DCC: variants seen among roughly 807,000 people sequenced by gnomAD.
The protein encoded by DCC is DCC netrin 1 receptor.
A neutral mutation model predicts 172.5 loss-of-function variants in DCC; 58 were observed. The ratio of observed to expected loss-of-function variants is 0.34; its 90% CI spans 0.27 to 0.42. The LOEUF (loss-of-function observed/expected upper bound fraction) is 0.42. DCC is among the 10% of genes least tolerant of loss of function. DCC has a pLI of 1.00. For missense variants in DCC, 1,740 were observed against 1,791.0 expected, an observed-to-expected ratio of 0.97 and a Z score of 0.51; for synonymous variants, 709 against 644.5, an observed-to-expected ratio of 1.10 and a Z score of -1.52.
chr18:53,417,010 G>A (rs1910349654), intron 21 of DCC, among the ~76,000 whole-genome samples: 1 of 152,170 alleles, frequency 6.6e-6, no homozygotes, highest in Non-Finnish European at 1.5e-5. Context: ...AGTCAGTGCT[G>A]TCAGTATTTG....
intron 7 of DCC, among the ~76,000 whole-genome samples, chr18:53,131,260 T>C (rs2043647141): frequency 6.6e-6 from 1 of 152,100 alleles, no homozygotes; most frequent in African/African-American, 2.4e-5. Context: ...ACAGTTTTTC[T>C]TTATTCTCTC....
chr18:52,450,983 T>C (rs1988285876), intron 1 of DCC, among the ~76,000 whole-genome samples: 1 of 152,248 alleles, frequency 6.6e-6, no homozygotes, highest in Non-Finnish European at 1.5e-5. Context: ...GAAGTCAATT[T>C]CTTAAGTAAA....
chr18:53,373,517 G>A (rs1012438799), intron 15 of DCC, among the ~76,000 whole-genome samples: 2 of 152,032 alleles, frequency 1.3e-5, no homozygotes, highest in Admixed American at 6.6e-5. Flanking sequence ...ACTCATTATT[G>A]TAGTTATTAT....
intron 10 of DCC, among the ~76,000 whole-genome samples, chr18:53,207,271 G>A (rs139049147): frequency 4.2e-4 from 64 of 152,258 alleles, no homozygotes; most frequent in Middle Eastern, 3.4e-3. Flanking sequence ...TTCAAGAGCT[G>A]TGGGTATATT....
At chr18:52,532,142 C>G (rs917645591) in intron 1 of DCC, among the ~76,000 whole-genome samples, 4 of 152,070 alleles carry the variant, frequency 2.6e-5, no homozygotes, top group African/African-American at 9.7e-5. Context: ...GGACTGTGTA[C>G]AGAACTTATT....
At chr18:52,844,704 T>C (rs1330902498) in intron 2 of DCC, among the ~76,000 whole-genome samples, 1 of 152,218 alleles carries the variant, frequency 6.6e-6, no homozygotes, top group East Asian at 1.9e-4. Flanking sequence ...AAGAGATCTA[T>C]GTAGAGTTAA....
intron 1 of DCC, among the ~76,000 whole-genome samples, chr18:52,600,265 A>G (rs1221920887): frequency 6.6e-6 from 1 of 152,130 alleles, no homozygotes; most frequent in Non-Finnish European, 1.5e-5. Flanking sequence ...TGAAATGACC[A>G]GGTTTTCCTC....
At chr18:53,090,468 C>A (rs988160899) in intron 7 of DCC, among the ~76,000 whole-genome samples, 2 of 151,392 alleles carry the variant, frequency 1.3e-5, no homozygotes, top group African/African-American at 4.9e-5. Context: ...CCGAGGCGGG[C>A]GGATCACGAG....
At chr18:53,253,976 G>T (rs999579814) in intron 12 of DCC, among the ~76,000 whole-genome samples, 1 of 152,004 alleles carries the variant, frequency 6.6e-6, no homozygotes, top group African/African-American at 2.4e-5. Flanking sequence ...AACAATGCCT[G>T]ATTAAATGAA....
At chr18:52,968,205 T>C (rs1034434609) in intron 5 of DCC, among the ~76,000 whole-genome samples, 1 of 152,184 alleles carries the variant, frequency 6.6e-6, no homozygotes, top group Non-Finnish European at 1.5e-5. Flanking sequence ...AGATGGAGTT[T>C]ATAGCATCTT....
At position 53,533,485 on chromosome 18, in the gene DCC, A is replaced by C. The variant is rs1469869230; in HGVS notation, c.*2832A>C. On this transcript the variant is annotated 3_prime_UTR_variant, in exon 29 of 29. Coordinates refer to ENST00000442544, the MANE Select transcript of DCC (RefSeq NM_005215.4). Reference sequence around the variant, plus strand: ...AGGCAACATCCTCTTTTTTTTAAAAAAAATGGTATTTTTCTTTAAATTTCA... The same window carrying C: ...AGGCAACATCCTCTTTTTTTTAAAACAAATGGTATTTTTCTTTAAATTTCA... 1 of 152,156 alleles carries C rather than the reference A, an allele frequency of 6.6e-6. No individual in the cohort carries two copies. The highest frequency in any genetic ancestry group is 1.5e-5 in the Non-Finnish European group (1 of 68,024). The allele number at this position is 152,156 out of a possible 1,614,324, so 9.4% of individuals were successfully genotyped here. A position where few individuals can be genotyped will look rare whatever the true frequency, so the allele number is the denominator to read the frequency against.
At chr18:53,108,871 G>T (rs1598810319) in intron 7 of DCC, among the ~76,000 whole-genome samples, 1 of 151,358 alleles carries the variant, frequency 6.6e-6, no homozygotes, top group African/African-American at 2.4e-5. Context: ...TGGCTGTTTT[G>T]CTAGAATGAA....
At chr18:53,253,265 G>A (rs1429716842) in intron 12 of DCC, among the ~76,000 whole-genome samples, 1 of 151,866 alleles carries the variant, frequency 6.6e-6, no homozygotes, top group Non-Finnish European at 1.5e-5. Context: ...TACTAATGGT[G>A]AATATTTATT....
intron 1 of DCC, among the ~76,000 whole-genome samples, chr18:52,427,830 TC>T: frequency 2.3e-5 from 1 of 44,386 alleles, no homozygotes; most frequent in African/African-American, 5.2e-5. Context: ...CTTCCTTCCT[TC>T]CTTTCTTCCT....
intron 27 of DCC, among the ~76,000 whole-genome samples, chr18:53,516,786 A>T (rs1201410893): frequency 6.9e-6 from 1 of 144,776 alleles, no homozygotes; most frequent in Non-Finnish European, 1.5e-5. Context: ...ATCATTAAAA[A>T]GTCAGGAAAC....
At chr18:52,529,684 G>A (rs184381086) in intron 1 of DCC, among the ~76,000 whole-genome samples, 120 of 152,266 alleles carry the variant, frequency 7.9e-4, no homozygotes, top group African/African-American at 2.8e-3. Context: ...TTCAGACTCT[G>A]TCCAATTATT....
chr18:53,498,984 T>C (rs746602815), intron 26 of DCC, among the ~76,000 whole-genome samples: 2 of 152,186 alleles, frequency 1.3e-5, no homozygotes, highest in South Asian at 2.1e-4. Context: ...AATAACTCTT[T>C]TTTCTCGCTT....
At chr18:52,905,230 CT>C (rs1482455250) in intron 2 of DCC, among the ~76,000 whole-genome samples, 1 of 151,332 alleles carries the variant, frequency 6.6e-6, no homozygotes, top group Non-Finnish European at 1.5e-5. Context: ...CAGTTTATTT[CT>C]TTTATTTTTT....
intron 22 of DCC, among the ~76,000 whole-genome samples, chr18:53,438,017 A>G (rs996668248): frequency 6.6e-6 from 1 of 152,208 alleles, no homozygotes; most frequent in Admixed American, 6.5e-5. Flanking sequence ...TGAAATTGGG[A>G]GAAACATAAT....
Sources: allele counts gnomAD v4.1 joint callset (sites outside exome capture counted in the v4.1 genomes callset), GRCh38; gene constraint gnomAD v4.1.1; transcripts MANE v1.5; gene names NCBI Gene and HGNC (gene_info 2026-07-23, HGNC 2026-07-21).